PTPRK: variants seen among roughly 807,000 people sequenced by gnomAD.
The protein encoded by PTPRK is receptor-type tyrosine-protein phosphatase kappa.
Under a neutral mutation model 178.0 loss-of-function variants are expected in PTPRK, and 75 were observed. That is an observed-to-expected ratio of 0.42 (90% CI 0.35 to 0.51). The LOEUF (loss-of-function observed/expected upper bound fraction) is 0.51, where lower values mean the gene tolerates loss of function less well. Ranked by LOEUF, PTPRK falls within the 20% of genes least tolerant of loss-of-function variation. PTPRK has a pLI of 0.02. For missense variants in PTPRK, 1,441 were observed against 1,797.8 expected (o/e 0.80, Z 3.59); for synonymous variants, 637 against 620.6 (o/e 1.03, Z -0.39).
chr6:128,051,752 G>C (rs990495200), intron 13 of PTPRK, among the ~76,000 whole-genome samples: 6 of 152,022 alleles, frequency 3.9e-5, no homozygotes, highest in Non-Finnish European at 8.8e-5. Flanking sequence ...CCACTCCCAA[G>C]TTCTAAGTTC....
chr6:128,437,151 A>G (rs1195813894), intron 1 of PTPRK, among the ~76,000 whole-genome samples: 1 of 152,172 alleles, frequency 6.6e-6, no homozygotes, highest in Non-Finnish European at 1.5e-5. Flanking sequence ...GACTAAGTTA[A>G]TAGTGTTAAC....
At chr6:128,294,720 T>G (rs1823983516) in intron 3 of PTPRK, among the ~76,000 whole-genome samples, 1 of 152,086 alleles carries the variant, frequency 6.6e-6, no homozygotes, top group African/African-American at 2.4e-5. Context: ...AAATTTCACA[T>G]TGGCTAAGAA....
chr6:128,351,597 C>T lies in PTPRK; in HGVS notation c.224-29287G>A, dbSNP rs571931449. 3.3e-5 allele frequency among the ~76,000 whole-genome samples: 5 copies of T among 152,210 alleles called. No homozygotes were observed. The East Asian group carries it at 7.7e-4, about 24-fold the overall frequency. On this transcript the variant is annotated intron_variant, in intron 2 of 29. Coordinates refer to ENST00000368226, the MANE Select transcript of PTPRK (RefSeq NM_002844.4). ...AATGTACCCCAGAGTTTAAAATTCCCCTTCTTAAAATTAGAATTTACCAGT... is the reference window on the plus strand; with the variant it reads ...AATGTACCCCAGAGTTTAAAATTCCTCTTCTTAAAATTAGAATTTACCAGT...
chr6:127,994,095 GTAAGAT>G (rs914513284), intron 18 of PTPRK, among the ~76,000 whole-genome samples: 27 of 151,530 alleles, frequency 1.8e-4, no homozygotes, highest in African/African-American at 6.3e-4. Flanking sequence ...ATGAATAAGA[GTAAGAT>G]TATGATCAGA....
chr6:128,450,391 C>A lies in PTPRK; in HGVS notation c.101-52703G>T, dbSNP rs190023914. Among the ~76,000 whole-genome samples the A allele has an allele frequency of 6.4e-4, 97 of 152,306 alleles. 2 individuals are homozygous for A. The highest frequency in any genetic ancestry group is 5.7e-3 in the Admixed American group (88 of 15,308). ...CCAAGCTGTTAATGAACCAATTAAACAAAACCACTTGTTCTAATGCATGGA... is the reference window on the plus strand; with the variant it reads ...CCAAGCTGTTAATGAACCAATTAAAAAAAACCACTTGTTCTAATGCATGGA... On this transcript the variant is annotated intron_variant, in intron 1 of 29. Transcript: ENST00000368226.
chr6:128,454,613 A>G (rs1848177472), intron 1 of PTPRK, among the ~76,000 whole-genome samples: 1 of 152,174 alleles, frequency 6.6e-6, no homozygotes, highest in South Asian at 2.1e-4. Flanking sequence ...CATCACCCCA[A>G]AAAGAAACCC....
At chr6:128,158,985 A>T (rs1798315267) in intron 7 of PTPRK, among the ~76,000 whole-genome samples, 1 of 151,888 alleles carries the variant, frequency 6.6e-6, no homozygotes, top group Admixed American at 6.6e-5. Flanking sequence ...GATCAAAATC[A>T]TTGTAGGGGT....
intron 8 of PTPRK, among the ~76,000 whole-genome samples, chr6:128,088,108 T>C (rs764475100): frequency 1.3e-5 from 2 of 152,168 alleles, no homozygotes; most frequent in African/African-American, 4.8e-5. Context: ...CTGGGCACAG[T>C]GGCTCACGCC....
In PTPRK at chr6:128,322,149, C is replaced by A. The variant is rs1828884818; in HGVS notation, c.385G>T (p.Val129Leu). Residue 129 changes from valine (V) to leucine (L), a missense_variant, in exon 3 of 30, where the codon GTG becomes TTG. By Grantham distance (32) the Val-to-Leu change is conservative (BLOSUM62 1). Transcript: ENST00000368226. ...NPGTLNILVRVNKGPLANPIW... is the reference protein window; with the variant it reads ...NPGTLNILVRLNKGPLANPIW... The stretch of plus-strand genomic sequence containing the variant: ...GGATTGGCAAGAGGTCCTTTATTCA[C>A]CCTAACTAATATGTTCAAAGTGCCA... The A allele has an allele frequency of 6.2e-7, 1 of 1,613,870 alleles. No individual in the cohort carries two copies. Among genetic ancestry groups the A allele is most frequent in the Non-Finnish European group, 8.5e-7 (1 of 1,179,860 alleles).
At chr6:128,215,954 A>G (rs77454011) in intron 6 of PTPRK, among the ~76,000 whole-genome samples, 2,472 of 152,236 alleles carry the variant, frequency 0.016, 32 homozygotes, top group African/African-American at 0.038. Context: ...GACCCCCGAG[A>G]GTATGTTTTT....
chr6:128,078,157 G>A (rs951454540), intron 11 of PTPRK, among the ~76,000 whole-genome samples: 1 of 151,892 alleles, frequency 6.6e-6, no homozygotes, highest in African/African-American at 2.4e-5. Context: ...GGGACTAGAG[G>A]GGGGAAAAAG....
intron 3 of PTPRK, among the ~76,000 whole-genome samples, chr6:128,305,682 A>C (rs1826265040): frequency 6.6e-6 from 1 of 152,212 alleles, no homozygotes; most frequent in South Asian, 2.1e-4. Context: ...TTCTAAGTAA[A>C]ACTCAAATGT....
chr6:128,412,745 G>A (rs561979459), intron 1 of PTPRK, among the ~76,000 whole-genome samples: 2 of 152,352 alleles, frequency 1.3e-5, no homozygotes, highest in East Asian at 3.8e-4. Flanking sequence ...GACACTCCAC[G>A]TGGTAGAGTA....
chr6:128,280,771 C>G (rs1365190940), intron 3 of PTPRK, among the ~76,000 whole-genome samples: 1 of 151,952 alleles, frequency 6.6e-6, no homozygotes, highest in East Asian at 1.9e-4. Flanking sequence ...TTTAAATTTT[C>G]AAACAGAATA....
At chr6:128,464,638 C>CACATATATATATATATATATAT (rs1164450520) in intron 1 of PTPRK, among the ~76,000 whole-genome samples, 1 of 48,602 alleles carries the variant, frequency 2.1e-5, no homozygotes, top group African/African-American at 9.5e-5. Context: ...TATATATACA[C>CACATATATATATATATATATAT]ATATATATAT....
At chr6:128,182,189 C>T (rs1802020055) in intron 7 of PTPRK, among the ~76,000 whole-genome samples, 1 of 152,034 alleles carries the variant, frequency 6.6e-6, no homozygotes, top group Non-Finnish European at 1.5e-5. Context: ...GCATTTTATG[C>T]CACAAAGAAT....
intron 3 of PTPRK, among the ~76,000 whole-genome samples, chr6:128,249,298 T>TAAAA (rs10622564): frequency 4.4e-4 from 58 of 132,854 alleles, no homozygotes; most frequent in African/African-American, 1.6e-3. Flanking sequence ...TGGTGTGATT[T>TAAAA]AAAAAAAAAA....
intron 1 of PTPRK, among the ~76,000 whole-genome samples, chr6:128,413,761 G>A (rs1371163792): frequency 1.3e-5 from 2 of 152,222 alleles, no homozygotes; most frequent in South Asian, 2.1e-4. Flanking sequence ...AGAAGTCCAC[G>A]GGTGTATAAA....
At chr6:128,462,264 A>G (rs1480212325) in intron 1 of PTPRK, among the ~76,000 whole-genome samples, 1 of 152,244 alleles carries the variant, frequency 6.6e-6, no homozygotes, top group African/African-American at 2.4e-5. Flanking sequence ...TCCAATAAAA[A>G]TATAATTAAA....
Sources: allele counts gnomAD v4.1 joint callset (sites outside exome capture counted in the v4.1 genomes callset), GRCh38; gene constraint gnomAD v4.1.1; transcripts MANE v1.5; gene names NCBI Gene and HGNC (gene_info 2026-07-23, HGNC 2026-07-21).